PSMD13: variants seen among roughly 807,000 people sequenced by gnomAD.
PSMD13 encodes 26S proteasome non-ATPase regulatory subunit 13.
PSMD13 carries 8 observed loss-of-function variants against 57.4 expected under a neutral mutation model. That is an observed-to-expected ratio of 0.14 (90% CI 0.08 to 0.25). The LOEUF is 0.25. Ranked by LOEUF, PSMD13 falls within the 10% of genes least tolerant of loss-of-function variation. The probability of loss-of-function intolerance (pLI) is 1.00; values close to 1 mark genes in which losing one functional copy is unlikely to be tolerated. For missense variants in PSMD13, 400 were observed against 461.5 expected (o/e 0.87, Z 1.22); for synonymous variants, 193 against 168.2 (o/e 1.15, Z -1.14).
At position 252,588 on chromosome 11, in the gene PSMD13, C is replaced by T. The variant is rs1488104220; in HGVS notation, c.1119C>T (p.Asp373=). 1.2e-6 allele frequency: 2 copies of T among 1,614,086 alleles called. No individual in the cohort carries two copies. The highest frequency in any genetic ancestry group is 1.7e-6 in the Non-Finnish European group (2 of 1,180,026). The change falls in exon 13 of 13, where the codon GAC becomes GAT. Residue 373 remains aspartate, a synonymous_variant. Coordinates refer to ENST00000532097, the MANE Select transcript of PSMD13 (RefSeq NM_002817.4). This position sits in a 1 kb window ranked among gnomAD's most constrained non-coding sequence, Gnocchi z 4.1. ...TGCTGGTGGAGCACCAGGCCCATGA[C>T]ATCCTCACCTAGGGCCCCCTGGTTC... is the stretch of plus-strand genomic sequence containing the variant. The part of the protein sequence containing the change: ...MEMLVEHQAH[D]ILT
chr11:244,328 C>T, intron 4 of PSMD13, 98 bp from the exon 5 acceptor site: 6 of 1,577,466 alleles, frequency 3.8e-6, no homozygotes, highest in Non-Finnish European at 5.2e-6. Context: ...TTTTATTATA[C>T]TTTATGGTCA....
chr11:245,102 G>A (rs759804612), intron 6 of PSMD13, among the ~76,000 whole-genome samples: 3 of 151,932 alleles, frequency 2.0e-5, no homozygotes, highest in South Asian at 2.1e-4. Flanking sequence ...CTCCCTGCCC[G>A]GCTAATTTTT....
chr11:246,821 T>G (rs1038334201), intron 6 of PSMD13, among the ~76,000 whole-genome samples: 4 of 152,210 alleles, frequency 2.6e-5, no homozygotes, highest in Admixed American at 1.3e-4. Flanking sequence ...GCCATTCTGT[T>G]TGTGTCCCCA....
chr11:249,725 T>C (rs1024815645), intron 9 of PSMD13, among the ~76,000 whole-genome samples: 9 of 152,118 alleles, frequency 5.9e-5, no homozygotes, highest in Non-Finnish European at 1.3e-4. Context: ...GGAAAGGTGC[T>C]CAACAAGGGC....
In PSMD13 at chr11:252,909, C is replaced by T. The variant is rs1859798152; in HGVS notation, c.*309C>T. On this transcript the variant is annotated 3_prime_UTR_variant, in exon 13 of 13. Coordinates refer to ENST00000532097, the MANE Select transcript of PSMD13 (RefSeq NM_002817.4). This position sits in a 1 kb window ranked among gnomAD's most constrained non-coding sequence, Gnocchi z 4.1. ...GTGTACTCCGAGGTGGATCTCCATC[C>T]CCATCCACCTGTACGGACATCTTTT... The T allele has an allele frequency of 3.3e-6, 1 of 300,354 alleles. No individual in the cohort carries two copies. The highest frequency in any genetic ancestry group is 2.1e-5 in the African/African-American group (1 of 47,778). 18.6% of individuals were successfully genotyped at this position (300,354 alleles called of 1,614,324 possible).
In PSMD13 at chr11:251,962, A is replaced by C. The variant is rs765627354; in HGVS notation, c.1035+26A>C. The C allele has an allele frequency of 3.8e-6, 6 of 1,588,710 alleles. No individual in the cohort carries two copies. Among genetic ancestry groups the C allele is most frequent in the Non-Finnish European group, 5.2e-6 (6 of 1,159,454 alleles). Reference sequence around the variant, plus strand: ...GTGATGTGTTTGAAACCCATTATTCACCTCTGTGGATTTTGAGGGGTTGTG... The same window carrying C: ...GTGATGTGTTTGAAACCCATTATTCCCCTCTGTGGATTTTGAGGGGTTGTG... On this transcript the variant is annotated intron_variant, in intron 12 of 12. Transcript: ENST00000532097. This position sits in a 1 kb window ranked among gnomAD's most constrained non-coding sequence, Gnocchi z 4.6.
At chr11:239,168 C>A in intron 2 of PSMD13, 92 bp downstream of exon 2, 1 of 1,202,566 alleles carries the variant, frequency 8.3e-7, no homozygotes, top group Non-Finnish European at 1.2e-6. Context: ...TAATAATAAG[C>A]TCCAATATTC....
At position 252,645 on chromosome 11, in the gene PSMD13, A is replaced by G. The variant is rs780312102; in HGVS notation, c.*45A>G. The G allele has an allele frequency of 6.4e-6, 10 of 1,572,644 alleles. No homozygotes were observed. The Admixed American group carries it at 6.7e-5, about 11-fold the overall frequency. On this transcript the variant is annotated 3_prime_UTR_variant, in exon 13 of 13. Transcript: ENST00000532097. The surrounding 1 kb of genome is among the most constrained non-coding windows in gnomAD (Gnocchi z 4.1). ...GTGTCTCCTTTGACTCACCTGAGAGAGGCGTTTGCAGCCAATGAAGCTGGC... is the reference window on the plus strand; with the variant it reads ...GTGTCTCCTTTGACTCACCTGAGAGGGGCGTTTGCAGCCAATGAAGCTGGC...
At chr11:249,689 AGTT>A (rs1371137494) in intron 9 of PSMD13, among the ~76,000 whole-genome samples, 4 of 152,074 alleles carry the variant, frequency 2.6e-5, no homozygotes, top group Non-Finnish European at 5.9e-5. Context: ...CACTGGGTGA[AGTT>A]GTCTCTGGAA....
At position 250,829 on chromosome 11, in the gene PSMD13, G is replaced by C; in HGVS notation, c.801G>C (p.Gln267His). ...QQPDLAANEA[Q>H]LLRKIQLLCL... is the part of the protein sequence containing the mutation. Reference sequence around the variant, plus strand: ...CTGATTTAGCAGCTAATGAAGCCCAGCTTCTGAGGAAAATTCAGTTGTTGT... The same window carrying C: ...CTGATTTAGCAGCTAATGAAGCCCACCTTCTGAGGAAAATTCAGTTGTTGT... Residue 267 changes from glutamine (Q) to histidine (H), a missense_variant, in exon 10 of 13, where the codon CAG (glutamine) becomes CAC (histidine). Physicochemically the swap from Gln to His is conservative, Grantham distance 24 (BLOSUM62 0). Transcript: ENST00000532097. The C allele has an allele frequency of 6.2e-7, 1 of 1,614,008 alleles. No homozygotes were observed. Among genetic ancestry groups the C allele is most frequent in the African/African-American group, 1.3e-5 (1 of 75,034 alleles).
In PSMD13 at chr11:252,580, G is replaced by A. The variant is rs545148471; in HGVS notation, c.1111G>A (p.Ala371Thr). 6.2e-7 allele frequency: 1 copy of A among 1,614,166 alleles called. No homozygotes were observed. The highest frequency in any genetic ancestry group is 1.1e-5 in the South Asian group (1 of 91,084). Residue 371 changes from alanine (A) to threonine (T), a missense_variant, in exon 13 of 13, where the codon GCC becomes ACC. Coordinates refer to ENST00000532097, the MANE Select transcript of PSMD13 (RefSeq NM_002817.4). This position sits in a 1 kb window ranked among gnomAD's most constrained non-coding sequence, Gnocchi z 4.1. Reference sequence around the variant, plus strand: ...CATGGAGATGCTGGTGGAGCACCAGGCCCATGACATCCTCACCTAGGGCCC... The same window carrying A: ...CATGGAGATGCTGGTGGAGCACCAGACCCATGACATCCTCACCTAGGGCCC... Reference protein sequence around the residue: ...KSMEMLVEHQAHDILT With the variant: ...KSMEMLVEHQTHDILT
chr11:244,307 A>C, intron 4 of PSMD13, 91 bp downstream of exon 4: 1 of 1,582,008 alleles, frequency 6.3e-7, no homozygotes, highest in Non-Finnish European at 8.6e-7. Context: ...TTTCTGTATC[A>C]GATATTATGT....
intron 2 of PSMD13, among the ~76,000 whole-genome samples, chr11:240,754 A>C (rs72865313): frequency 0.16 from 24,425 of 152,226 alleles, 2,499 homozygotes; most frequent in Non-Finnish European, 0.22. Context: ...ACATGTCAGG[A>C]AAGTTCAAAC....
At position 250,872 on chromosome 11, in the gene PSMD13, G is replaced by A. The variant is rs757749726; in HGVS notation, c.837+7G>A. Reference sequence around the variant, plus strand: ...GTTGTTGTGCCTCATGGAGGTAAGCGAACACCCAGGAGCCACTTTGTCTGT... The same window carrying A: ...GTTGTTGTGCCTCATGGAGGTAAGCAAACACCCAGGAGCCACTTTGTCTGT... On this transcript the variant is annotated splice_region_variant and intron_variant, in intron 10 of 12. Coordinates refer to ENST00000532097, the MANE Select transcript of PSMD13 (RefSeq NM_002817.4). 13 of 1,612,900 alleles carry A rather than the reference G, an allele frequency of 8.1e-6. No homozygotes were observed. Among genetic ancestry groups the A allele is most frequent in the Admixed American group, 1.7e-5 (1 of 59,988 alleles).
Position 252,006 on chromosome 11 carries a change from C to G in PSMD13, c.1035+70C>G. On this transcript the variant is annotated intron_variant, in intron 12 of 12. Transcript: ENST00000532097. This position sits in a 1 kb window ranked among gnomAD's most constrained non-coding sequence, Gnocchi z 4.1. Reference sequence around the variant, plus strand: ...GGTTGTGTCTATACCGTCTTAGTTTCATTTGGATGGAAGCCATTTGGGAAG... The same window carrying G: ...GGTTGTGTCTATACCGTCTTAGTTTGATTTGGATGGAAGCCATTTGGGAAG... The G allele has an allele frequency of 1.4e-6, 2 of 1,394,312 alleles. No homozygotes were observed. Among genetic ancestry groups the G allele is most frequent in the Non-Finnish European group, 2.0e-6 (2 of 1,000,292 alleles). The allele number at this position is 1,394,312 out of a possible 1,614,324, so 86.4% of individuals were successfully genotyped here. A position where few individuals can be genotyped will look rare whatever the true frequency, so the allele number is the denominator to read the frequency against.
At position 244,739 on chromosome 11, in the gene PSMD13, T is replaced by C. The variant is rs770984710; in HGVS notation, c.374T>C (p.Ile125Thr). ...KTAIGALKLN[I>T]GDLQVTKETI... ...GCAATTGGAGCTCTAAAATTAAACATCGGGGACCTACAGGTTACAAAGGTG... is the reference window on the plus strand; with the variant it reads ...GCAATTGGAGCTCTAAAATTAAACACCGGGGACCTACAGGTTACAAAGGTG... The change falls in exon 6 of 13, where the codon ATC (isoleucine) becomes ACC (threonine). Residue 125 changes from isoleucine to threonine, a missense_variant. Ile to Thr is a moderately conservative substitution (Grantham distance 89). Transcript: ENST00000532097. 1.2e-6 allele frequency: 2 copies of C among 1,613,472 alleles called. No homozygotes were observed. The highest frequency in any genetic ancestry group is 2.2e-5 in the South Asian group (2 of 91,024).
chr11:243,640 C>G (rs1423280240), intron 2 of PSMD13, among the ~76,000 whole-genome samples: 2 of 152,150 alleles, frequency 1.3e-5, no homozygotes, highest in East Asian at 3.8e-4. Context: ...CAGCGCAGGC[C>G]ATCTTCACAA....
chr11:247,731 T>G lies in PSMD13; in HGVS notation c.568+283T>G, dbSNP rs1190714621. On this transcript the variant is annotated intron_variant, in intron 7 of 12. Transcript: ENST00000532097. ...GCCTGTAATCCCAGTTACTCAGGAG[T>G]CTGAGGCAGGAGAATCACTTGAACT... The G allele has an allele frequency of 5.4e-5, 13 of 241,860 alleles. No homozygotes were observed. In the South Asian group the frequency reaches 8.2e-4, roughly 15 times the overall value. 15.0% of individuals were successfully genotyped at this position (241,860 alleles called of 1,614,324 possible).
At chr11:240,061 A>G (rs529619593) in intron 2 of PSMD13, among the ~76,000 whole-genome samples, 2 of 134,550 alleles carry the variant, frequency 1.5e-5, no homozygotes, top group South Asian at 5.0e-4. Context: ...CTGAACATTC[A>G]GTCTTCTGGA....
Sources: gnomAD v4.1 joint callset for allele counts (sites outside exome capture counted in the v4.1 genomes callset) on GRCh38, gnomAD v4.1.1 for gene constraint, Gnocchi (gnomAD v3.1) non-coding constraint, MANE v1.5 for transcripts, NCBI Gene and HGNC (gene_info 2026-07-23, HGNC 2026-07-21) for gene names.